SNX29: variants seen among roughly 807,000 people sequenced by gnomAD.
SNX29 encodes sorting nexin 29, also known as sorting nexin-29.
In SNX29, 78 loss-of-function variants were observed where a neutral mutation model predicts 102.1. The observed-to-expected ratio is 0.76, with a 90% confidence interval of 0.64 to 0.92. The LOEUF is 0.92. Ranked by LOEUF, SNX29 falls within the 40% of genes least tolerant of loss-of-function variation. The probability of loss-of-function intolerance (pLI) is 0.00; values close to 1 mark genes in which losing one functional copy is unlikely to be tolerated. For synonymous variants in SNX29, 580 were observed against 414.5 expected (o/e 1.40, Z -4.85); for missense variants, 1,280 against 1,061.7 (o/e 1.21, Z -2.86).
At chr16:12,555,448 G>A (rs1025295097) in intron 20 of SNX29, among the ~76,000 whole-genome samples, 6 of 152,018 alleles carry the variant, frequency 3.9e-5, no homozygotes, top group African/African-American at 1.4e-4. Flanking sequence ...CATGTACGCA[G>A]GGTGTTTCCC....
intron 20 of SNX29, among the ~76,000 whole-genome samples, chr16:12,547,743 C>G (rs1344952947): frequency 6.6e-6 from 1 of 152,158 alleles, no homozygotes; most frequent in Non-Finnish European, 1.5e-5. Flanking sequence ...CCCTCTAAGC[C>G]TCCTCCTGTG....
At chr16:12,542,650 T>G (rs1051013585) in intron 20 of SNX29, among the ~76,000 whole-genome samples, 1 of 152,116 alleles carries the variant, frequency 6.6e-6, no homozygotes, top group Non-Finnish European at 1.5e-5. Context: ...ACACTTAAAC[T>G]TGTGTTTGAA....
At chr16:12,165,060 C>G (rs2055956541) in intron 13 of SNX29, among the ~76,000 whole-genome samples, 1 of 152,162 alleles carries the variant, frequency 6.6e-6, no homozygotes, top group Non-Finnish European at 1.5e-5. Flanking sequence ...GTGAGTGAAT[C>G]AAGAGTTTGT....
At chr16:12,560,140 C>CG (rs899222599) in intron 20 of SNX29, among the ~76,000 whole-genome samples, 10 of 52,370 alleles carry the variant, frequency 1.9e-4, no homozygotes, top group Admixed American at 3.6e-4. Flanking sequence ...TCCCCTCCCC[C>CG]CCCCAACAAA....
At chr16:12,552,415 G>A (rs886142557) in intron 20 of SNX29, among the ~76,000 whole-genome samples, 10 of 152,186 alleles carry the variant, frequency 6.6e-5, no homozygotes, top group Non-Finnish European at 1.2e-4. Flanking sequence ...GTGAGGACGT[G>A]GTCAGTTCTT....
intron 20 of SNX29, among the ~76,000 whole-genome samples, chr16:12,543,722 T>C (rs2077451844): frequency 6.6e-6 from 1 of 152,206 alleles, no homozygotes; most frequent in African/African-American, 2.4e-5. Context: ...AATTAATGAA[T>C]TTTGGCATTG....
chr16:12,093,097 G>A (rs1288276787), intron 11 of SNX29, among the ~76,000 whole-genome samples: 1 of 152,198 alleles, frequency 6.6e-6, no homozygotes, highest in African/African-American at 2.4e-5. Flanking sequence ...TTTGTGAAAG[G>A]CAAATGTCAC....
At chr16:12,360,044 G>A (rs1430490261) in intron 16 of SNX29, among the ~76,000 whole-genome samples, 2 of 152,102 alleles carry the variant, frequency 1.3e-5, no homozygotes, top group African/African-American at 2.4e-5. Flanking sequence ...GGCTGGTCTC[G>A]AACTCCTGAT....
intron 7 of SNX29, among the ~76,000 whole-genome samples, chr16:12,051,282 T>C (rs141633874): frequency 1.3e-5 from 2 of 151,648 alleles, no homozygotes; most frequent in African/African-American, 4.8e-5. Context: ...TGAGCTATGA[T>C]TGCACCATTG....
intron 15 of SNX29, among the ~76,000 whole-genome samples, chr16:12,338,708 G>A (rs971003392): frequency 1.3e-4 from 20 of 152,160 alleles, no homozygotes; most frequent in Non-Finnish European, 2.9e-4. Flanking sequence ...CATCATCCTT[G>A]ACCTGTTGCC....
intron 11 of SNX29, among the ~76,000 whole-genome samples, chr16:12,088,493 G>A (rs993623945): frequency 6.6e-6 from 1 of 152,158 alleles, no homozygotes; most frequent in Non-Finnish European, 1.5e-5. Context: ...CTTGGCTCAG[G>A]GAGCGTAAGG....
chr16:12,364,751 T>G (rs1159844652), intron 16 of SNX29, among the ~76,000 whole-genome samples: 5 of 152,160 alleles, frequency 3.3e-5, no homozygotes, highest in Non-Finnish European at 7.3e-5. Context: ...CTGGCAAGGC[T>G]CTGTTTCTCT....
chr16:12,232,114 C>A (rs1236125995), intron 14 of SNX29, among the ~76,000 whole-genome samples: 1 of 152,146 alleles, frequency 6.6e-6, no homozygotes, highest in Non-Finnish European at 1.5e-5. Context: ...GTGATTTAGG[C>A]ACTTGGACAG....
intron 14 of SNX29, among the ~76,000 whole-genome samples, chr16:12,217,811 T>G (rs1217993554): frequency 2.0e-5 from 3 of 152,240 alleles, no homozygotes; most frequent in East Asian, 1.9e-4. Context: ...GCTCATGTCA[T>G]TTGGGGATGG....
At chr16:12,408,730 G>C (rs2084275058) in intron 18 of SNX29, among the ~76,000 whole-genome samples, 2 of 152,216 alleles carry the variant, frequency 1.3e-5, no homozygotes. Context: ...TGAGGCAGGA[G>C]ACTCACTTAA....
intron 13 of SNX29, among the ~76,000 whole-genome samples, chr16:12,185,615 T>A (rs1267772059): frequency 1.3e-5 from 2 of 152,208 alleles, no homozygotes; most frequent in South Asian, 2.1e-4. Context: ...ATCGTTGTAT[T>A]TTGTTGTTAA....
intron 18 of SNX29, among the ~76,000 whole-genome samples, chr16:12,434,989 G>A (rs2085474336): frequency 1.3e-5 from 2 of 151,614 alleles, no homozygotes; most frequent in Non-Finnish European, 2.9e-5. Flanking sequence ...GGGGGGGTTT[G>A]GTCATCTCTT....
At chr16:12,422,508 C>G (rs148237787) in intron 18 of SNX29, among the ~76,000 whole-genome samples, 126 of 152,342 alleles carry the variant, frequency 8.3e-4, no homozygotes, top group African/African-American at 2.9e-3. Context: ...GCTTGTTTCC[C>G]TCTCAGCTTC....
intron 16 of SNX29, among the ~76,000 whole-genome samples, chr16:12,389,757 A>G (rs919352222): frequency 2.6e-5 from 4 of 152,198 alleles, no homozygotes; most frequent in African/African-American, 2.4e-5. Context: ...GCTCTGGCCA[A>G]TGAGCCTTGA....
Sources: gnomAD v4.1 joint callset for allele counts (sites outside exome capture counted in the v4.1 genomes callset) on GRCh38, gnomAD v4.1.1 for gene constraint, MANE v1.5 for transcripts, NCBI Gene and HGNC (gene_info 2026-07-23, HGNC 2026-07-21) for gene names.